ROR2: variants seen among roughly 807,000 people sequenced by gnomAD.
ROR2 encodes ROR family WNT receptor 2.
Under a neutral mutation model 74.9 loss-of-function variants are expected in ROR2, and 33 were observed. The ratio of observed to expected loss-of-function variants is 0.44; its 90% CI spans 0.33 to 0.59. ROR2 has a LOEUF of 0.59. Among genes scored for constraint, ROR2 ranks in the 20% least tolerant of loss-of-function variants. ROR2 has a pLI of 0.02. For missense variants in ROR2, 1,216 were observed against 1,313.8 expected, an observed-to-expected ratio of 0.93 and a Z score of 1.15; for synonymous variants, 586 against 558.7, an observed-to-expected ratio of 1.05 and a Z score of -0.69.
At chr9:91,891,627 T>C (rs1173551624) in intron 1 of ROR2, among the ~76,000 whole-genome samples, 1 of 152,202 alleles carries the variant, frequency 6.6e-6, no homozygotes, top group East Asian at 1.9e-4. Context: ...TCATTCAGGT[T>C]GTTGTCCATA....
chr9:91,733,507 C>G lies in ROR2; in HGVS notation c.623-71G>C. 1 of 1,493,392 alleles carries G rather than the reference C, an allele frequency of 6.7e-7. No individual in the cohort carries two copies. Among genetic ancestry groups the G allele is most frequent in the Non-Finnish European group, 9.0e-7 (1 of 1,111,072 alleles). 92.5% of individuals were successfully genotyped at this position (1,493,392 alleles called of 1,614,324 possible). ...CCCTTGACATTCATCCAGTCCCCAC[C>G]CCCAGCCTGGCATCCCAGACTGCCC... On this transcript the variant is annotated intron_variant, in intron 5 of 8. Coordinates refer to ENST00000375708, the MANE Select transcript of ROR2 (RefSeq NM_004560.4). The surrounding 1 kb of genome is among the most constrained non-coding windows in gnomAD (Gnocchi z 5.7).
rs1824916897 is a variant in ROR2, at chr9:91,733,769, G to C, written c.623-333C>G. Among the ~76,000 whole-genome samples the C allele has an allele frequency of 6.6e-6, 1 of 152,200 alleles. No homozygotes were observed. The highest frequency in any genetic ancestry group is 2.4e-5 in the African/African-American group (1 of 41,446). On this transcript the variant is annotated intron_variant, in intron 5 of 8. Coordinates refer to ENST00000375708, the MANE Select transcript of ROR2 (RefSeq NM_004560.4). This position sits in a 1 kb window ranked among gnomAD's most constrained non-coding sequence, Gnocchi z 5.7. The stretch of plus-strand genomic sequence containing the variant: ...GCTAGGTGCTTCTTCCAGGACAAGA[G>C]GGTTCAGACTTCAGATGCAAAAGCA...
At chr9:91,762,053 T>A (rs1395027525) in intron 2 of ROR2, among the ~76,000 whole-genome samples, 1 of 152,206 alleles carries the variant, frequency 6.6e-6, no homozygotes, top group Non-Finnish European at 1.5e-5. Flanking sequence ...TTCCGTGTGG[T>A]GAGCAGCAGG....
chr9:91,726,627 C>A lies in ROR2; in HGVS notation c.1300G>T (p.Ala434Ser), dbSNP rs144447132. ...LVCMCRNKQK[A>S]SASTPQRRQL... ...CGCCGCTGCGGTGTGGACGCAGATGCCTTCTGCTTATTCCGGCACATGCAA... is the reference window on the plus strand; with the variant it reads ...CGCCGCTGCGGTGTGGACGCAGATGACTTCTGCTTATTCCGGCACATGCAA... Residue 434 changes from alanine to serine, a missense_variant, in exon 8 of 9, where the codon GCA becomes TCA. Coordinates refer to ENST00000375708, the MANE Select transcript of ROR2 (RefSeq NM_004560.4). The A allele has an allele frequency of 1.9e-6, 3 of 1,613,900 alleles. No individual in the cohort carries two copies. The highest frequency in any genetic ancestry group is 2.2e-5 in the East Asian group (1 of 44,858).
chr9:91,933,102 G>C (rs1244764645), intron 1 of ROR2, among the ~76,000 whole-genome samples: 1 of 152,112 alleles, frequency 6.6e-6, no homozygotes, highest in South Asian at 2.1e-4. Flanking sequence ...CATGAGGTCA[G>C]AACATCGAGA....
chr9:91,774,811 G>A (rs1475922224), intron 2 of ROR2, among the ~76,000 whole-genome samples: 1 of 152,310 alleles, frequency 6.6e-6, no homozygotes, highest in African/African-American at 2.4e-5. Flanking sequence ...TGAGGGGTCT[G>A]GGCATCCTTT....
intron 1 of ROR2, among the ~76,000 whole-genome samples, chr9:91,934,212 G>A (rs1831623902): frequency 6.6e-6 from 1 of 152,018 alleles, no homozygotes; most frequent in Non-Finnish European, 1.5e-5. Flanking sequence ...TAGATTTTTA[G>A]TTTTGGTTTT....
intron 1 of ROR2, among the ~76,000 whole-genome samples, chr9:91,806,835 C>T (rs1016809218): frequency 3.9e-5 from 6 of 152,268 alleles, no homozygotes; most frequent in African/African-American, 7.2e-5. Flanking sequence ...GTGATCCGCC[C>T]GCCTCGGCCA....
rs1217602519 is a variant in ROR2, at chr9:91,723,692, C to T, written c.2802G>A (p.Val934=). ...ELLGDCDTLQ[V]DEAQVQLEA ...CTTCCAGCTGGACTTGGGCCTCGTC[C>T]ACCTGCAGAGTGTCACAGTCCCCCA... is the stretch of plus-strand genomic sequence containing the variant. The change falls in exon 9 of 9, where the codon GTG becomes GTA. Residue 934 remains valine (V), a synonymous_variant. Transcript: ENST00000375708. 6.2e-7 allele frequency: 1 copy of T among 1,613,946 alleles called. No homozygotes were observed. Among genetic ancestry groups the T allele is most frequent in the Admixed American group, 1.7e-5 (1 of 60,024 alleles).
rs746065715 is a variant in ROR2 at position 91,733,265 on chromosome 9, C to T, written c.794G>A (p.Arg265His). 2.1e-5 allele frequency: 34 copies of T among 1,612,706 alleles called. No homozygotes were observed. Among genetic ancestry groups the T allele is most frequent in the Admixed American group, 1.8e-4 (11 of 59,952 alleles). ...GGAGCGGGCGATGGTGTACTCCTGG[C>T]GGCACAGGTCGCTCTCCAGCACCTC... The part of the protein sequence containing the change: ...ECEVLESDLC[R>H]QEYTIARSNP... Residue 265 changes from arginine to histidine, a missense_variant, in exon 6 of 9, where the codon CGC (arginine) becomes CAC (histidine). By Grantham distance (29) the Arg-to-His change is conservative. Transcript: ENST00000375708. The surrounding 1 kb of genome is among the most constrained non-coding windows in gnomAD (Gnocchi z 5.7).
chr9:91,946,628 T>C (rs1440886644), intron 1 of ROR2, among the ~76,000 whole-genome samples: 1 of 152,212 alleles, frequency 6.6e-6, no homozygotes, highest in Non-Finnish European at 1.5e-5. Flanking sequence ...CTGACTACAA[T>C]GTGGAATTAT....
intron 4 of ROR2, among the ~76,000 whole-genome samples, chr9:91,750,901 T>G (rs1434519741): frequency 2.0e-5 from 3 of 152,258 alleles, no homozygotes; most frequent in Non-Finnish European, 2.9e-5. Context: ...CACTATTTAC[T>G]GGTGAAATGT....
Position 91,786,322 on chromosome 9 carries a change from G to GTCAATCAA in ROR2, c.98-10512_98-10505dup, listed in dbSNP as rs139592847. On this transcript the variant is annotated intron_variant, in intron 1 of 8. Transcript: ENST00000375708. ...AGTCTGGGCAACAGAGCAAGACTCT[G>GTCAATCAA]TCAATCAATCAATCAATCAATCAAT... Among the ~76,000 whole-genome samples the GTCAATCAA allele has an allele frequency of 2.1e-3, 307 of 147,894 alleles. 2 individuals are homozygous for GTCAATCAA. The highest frequency in any genetic ancestry group is 0.01 in the Middle Eastern group (3 of 292).
intron 1 of ROR2, among the ~76,000 whole-genome samples, chr9:91,815,281 A>G (rs1478733495): frequency 1.3e-5 from 2 of 152,248 alleles, no homozygotes; most frequent in African/African-American, 4.8e-5. Flanking sequence ...GCCATGTTAC[A>G]GATTCATGGT....
intron 1 of ROR2, among the ~76,000 whole-genome samples, chr9:91,893,196 A>T (rs1194289909): frequency 6.6e-6 from 1 of 152,020 alleles, no homozygotes; most frequent in Non-Finnish European, 1.5e-5. Context: ...CGACTTGGCC[A>T]GACAGAACCC....
intron 1 of ROR2, among the ~76,000 whole-genome samples, chr9:91,945,915 C>T (rs1832000795): frequency 6.6e-6 from 1 of 152,168 alleles, no homozygotes; most frequent in African/African-American, 2.4e-5. Flanking sequence ...TAGAAAAAGG[C>T]GGCTGCTACA....
At chr9:91,924,096 G>C (rs1831336406) in intron 1 of ROR2, among the ~76,000 whole-genome samples, 4 of 152,220 alleles carry the variant, frequency 2.6e-5, no homozygotes, top group African/African-American at 9.7e-5. Context: ...CTCTCCCCAA[G>C]CTGCTGTTCT....
At chr9:91,841,670 G>A (rs748520210) in intron 1 of ROR2, among the ~76,000 whole-genome samples, 2 of 152,132 alleles carry the variant, frequency 1.3e-5, no homozygotes, top group African/African-American at 2.4e-5. Context: ...AGCCTCCCTC[G>A]TCCCTCTGCC....
chr9:91,802,844 G>C (rs1309703906), intron 1 of ROR2, among the ~76,000 whole-genome samples: 1 of 152,096 alleles, frequency 6.6e-6, no homozygotes, highest in Non-Finnish European at 1.5e-5. Flanking sequence ...GCATTCAGGG[G>C]CCACACAAGA....
Sources: gnomAD v4.1 joint callset for allele counts (sites outside exome capture counted in the v4.1 genomes callset) on GRCh38, gnomAD v4.1.1 for gene constraint, Gnocchi (gnomAD v3.1) non-coding constraint, MANE v1.5 for transcripts, NCBI Gene and HGNC (gene_info 2026-07-23, HGNC 2026-07-21) for gene names.